The following WWOX variants were observed in gnomAD, a reference collection of about 807,000 sequenced individuals.
WWOX encodes WW domain containing oxidoreductase, also known as WW domain-containing oxidoreductase.
WWOX carries 69 observed loss-of-function variants against 46.2 expected under a neutral mutation model. That is an observed-to-expected ratio of 1.49 (90% CI 1.23 to 1.82). The LOEUF is 1.82. Among genes scored for constraint, WWOX ranks in the 40% most tolerant of loss-of-function variants. The pLI is 0.00. For synonymous variants in WWOX, 359 were observed against 202.6 expected (o/e 1.77, Z -6.56); for missense variants, 919 against 542.6 (o/e 1.69, Z -6.89).
chr16:78,510,931 G>T (rs1326873269), intron 8 of WWOX, among the ~76,000 whole-genome samples: 1 of 152,208 alleles, frequency 6.6e-6, no homozygotes, highest in East Asian at 1.9e-4. Flanking sequence ...GGTGCTTGTT[G>T]GTTGTATGTG....
intron 8 of WWOX, among the ~76,000 whole-genome samples, chr16:78,833,323 A>C (rs185956670): frequency 6.5e-4 from 99 of 151,904 alleles, no homozygotes; most frequent in African/African-American, 2.4e-3. Context: ...CTGGGATGAC[A>C]AGCTCTTTCT....
In WWOX at chr16:78,339,468, T is replaced by C. The variant is rs558770148; in HGVS notation, c.517-47392T>C. 2.4e-3 allele frequency among the ~76,000 whole-genome samples: 293 copies of C among 119,766 alleles called. 61 individuals carry two copies. The highest frequency in any genetic ancestry group is 7.8e-3 in the African/African-American group (277 of 35,456). The allele number at this position is 119,766 out of a possible 152,430, so 78.6% of individuals were successfully genotyped here. ...CACAGGAATACTTGGTGATGTTCTT[T>C]TTAAAACTGCCCTCACATTGTATCC... On this transcript the variant is annotated intron_variant, in intron 5 of 8. Coordinates refer to ENST00000566780, the MANE Select transcript of WWOX (RefSeq NM_016373.4).
chr16:78,652,359 A>AG (rs1217200639), intron 8 of WWOX, among the ~76,000 whole-genome samples: 4 of 147,964 alleles, frequency 2.7e-5, no homozygotes, highest in African/African-American at 1.0e-4. Flanking sequence ...CAGCGAGTCA[A>AG]GGTCACGCCA....
chr16:78,965,233 C>T (rs1274065701), intron 8 of WWOX, among the ~76,000 whole-genome samples: 2 of 152,176 alleles, frequency 1.3e-5, no homozygotes, highest in African/African-American at 4.8e-5. Context: ...AGTAACAATT[C>T]CACAGAGATA....
intron 8 of WWOX, among the ~76,000 whole-genome samples, chr16:78,904,193 A>G (rs1485346192): frequency 6.7e-6 from 1 of 150,142 alleles, no homozygotes; most frequent in Non-Finnish European, 1.5e-5. Flanking sequence ...TAGCAGTTAC[A>G]GGTGCTTGTG....
At chr16:79,089,713 G>A (rs560430516) in intron 8 of WWOX, among the ~76,000 whole-genome samples, 19 of 152,250 alleles carry the variant, frequency 1.2e-4, no homozygotes, top group East Asian at 5.8e-4. Context: ...TCGCCTAAGC[G>A]TTTAAGCATG....
intron 8 of WWOX, among the ~76,000 whole-genome samples, chr16:79,093,017 C>G (rs1012696502): frequency 6.6e-6 from 1 of 152,122 alleles, no homozygotes; most frequent in Admixed American, 6.5e-5. Flanking sequence ...TAGCAAAAAC[C>G]GCAATTACTT....
In WWOX at chr16:78,144,472, T is replaced by TATATATACAC. The variant is rs2034115980; in HGVS notation, c.410-19704_410-19703insCACATATATA. On this transcript the variant is annotated intron_variant, in intron 4 of 8. Transcript: ENST00000566780. ...ACACATATATATATATACACACATA[T>TATATATACAC]ATATATATATATATACACACACACA... Among the ~76,000 whole-genome samples, 7 of 30,504 alleles carry TATATATACAC rather than the reference T, an allele frequency of 2.3e-4. 1 individual carries two copies. The highest frequency in any genetic ancestry group is 1.0e-3 in the African/African-American group (7 of 6,814). 20.0% of individuals were successfully genotyped at this position (30,504 alleles called of 152,430 possible). A position where few individuals can be genotyped will look rare whatever the true frequency, so the allele number is the denominator to read the frequency against.
intron 8 of WWOX, among the ~76,000 whole-genome samples, chr16:78,658,212 C>T (rs1054592041): frequency 6.6e-6 from 1 of 152,162 alleles, no homozygotes; most frequent in African/African-American, 2.4e-5. Context: ...TGGATGAGAA[C>T]CCCTGCTTTA....
rs889989920 is a variant in WWOX at position 78,998,905 on chromosome 16, G to C, written c.1057-212703G>C. Among the ~76,000 whole-genome samples, 4 of 152,164 alleles carry C rather than the reference G, an allele frequency of 2.6e-5. No individual in the cohort carries two copies. In the East Asian group the frequency reaches 7.7e-4, roughly 29 times the overall value. On this transcript the variant is annotated intron_variant, in intron 8 of 8. Transcript: ENST00000566780. ...AGGGGCGGTGTCCGACTTTGTTATTGCCTATGCATGTATAAATGTCCCAAA... is the reference window on the plus strand; with the variant it reads ...AGGGGCGGTGTCCGACTTTGTTATTCCCTATGCATGTATAAATGTCCCAAA...
intron 5 of WWOX, among the ~76,000 whole-genome samples, chr16:78,271,797 C>T (rs993767818): frequency 6.6e-6 from 1 of 152,212 alleles, no homozygotes; most frequent in African/African-American, 2.4e-5. Context: ...CCAGCCTTCT[C>T]TACCTAACAA....
chr16:78,807,779 C>T (rs924507886), intron 8 of WWOX, among the ~76,000 whole-genome samples: 18 of 152,176 alleles, frequency 1.2e-4, no homozygotes, highest in Non-Finnish European at 1.6e-4. Flanking sequence ...TTGTCTGATA[C>T]GGTAGCCATT....
intron 8 of WWOX, among the ~76,000 whole-genome samples, chr16:78,682,439 G>C (rs2047751290): frequency 6.6e-6 from 1 of 152,124 alleles, no homozygotes; most frequent in Admixed American, 6.6e-5. Flanking sequence ...CTTTAGCCGG[G>C]TCTGGTGGTG....
At chr16:78,540,565 T>G (rs973289242) in intron 8 of WWOX, among the ~76,000 whole-genome samples, 1 of 152,204 alleles carries the variant, frequency 6.6e-6, no homozygotes, top group Admixed American at 6.5e-5. Flanking sequence ...AATGCTGATA[T>G]TTCCCGTGGG....
chr16:78,507,564 C>T (rs1318823932), intron 8 of WWOX, among the ~76,000 whole-genome samples: 1 of 152,180 alleles, frequency 6.6e-6, no homozygotes, highest in Non-Finnish European at 1.5e-5. Flanking sequence ...TATTAGGCAT[C>T]TTATCCTTGA....
chr16:78,727,345 G>T (rs1197408014), intron 8 of WWOX, among the ~76,000 whole-genome samples: 1 of 152,186 alleles, frequency 6.6e-6, no homozygotes, highest in Non-Finnish European at 1.5e-5. Flanking sequence ...GTTTCAGTGA[G>T]CTGAGATCCA....
chr16:78,857,093 A>G lies in WWOX; in HGVS notation c.1057-354515A>G, dbSNP rs551070553. ...GGGATCACCATTGCATATGTGGTTC[A>G]TTGTTGATCAAAATGTCATTATGCA... On this transcript the variant is annotated intron_variant, in intron 8 of 8. Transcript: ENST00000566780. Among the ~76,000 whole-genome samples the G allele has an allele frequency of 4.6e-5, 7 of 152,386 alleles. No homozygotes were observed. In the South Asian group the frequency reaches 1.4e-3, roughly 32 times the overall value.
intron 8 of WWOX, among the ~76,000 whole-genome samples, chr16:78,978,619 G>C (rs2046618845): frequency 6.6e-6 from 1 of 152,138 alleles, no homozygotes; most frequent in Non-Finnish European, 1.5e-5. Context: ...TCTGCTACTG[G>C]GGGCGCCTCA....
At chr16:78,986,793 G>A (rs2046792551) in intron 8 of WWOX, among the ~76,000 whole-genome samples, 1 of 152,178 alleles carries the variant, frequency 6.6e-6, no homozygotes, top group African/African-American at 2.4e-5. Context: ...TTATTTTGAT[G>A]TTGTTAGCTT....
Sources: gnomAD v4.1 joint callset for allele counts (sites outside exome capture counted in the v4.1 genomes callset) on GRCh38, gnomAD v4.1.1 for gene constraint, MANE v1.5 for transcripts, NCBI Gene and HGNC (gene_info 2026-07-23, HGNC 2026-07-21) for gene names.